AGBL1: variants seen among roughly 807,000 people sequenced by gnomAD.
AGBL1 encodes cytosolic carboxypeptidase 4.
In AGBL1, 130 loss-of-function variants were observed where a neutral mutation model predicts 118.9. That is an observed-to-expected ratio of 1.09 (90% confidence interval 0.95 to 1.26). AGBL1 has a LOEUF of 1.26. Among genes scored for constraint, AGBL1 ranks in the 50% most tolerant of loss-of-function variants. AGBL1 has a pLI of 0.00. For synonymous variants in AGBL1, 555 were observed against 478.9 expected (o/e 1.16, Z -2.08); for missense variants, 1,584 against 1,298.1 (o/e 1.22, Z -3.38).
At chr15:86,154,017 A>G (rs527815946) in intron 3 of AGBL1, among the ~76,000 whole-genome samples, 1 of 152,308 alleles carries the variant, frequency 6.6e-6, no homozygotes, top group African/African-American at 2.4e-5. Context: ...TGTCTTTTAT[A>G]GACATAGTCA....
At chr15:86,565,206 T>A (rs1323672325) in intron 21 of AGBL1, among the ~76,000 whole-genome samples, 1 of 152,260 alleles carries the variant, frequency 6.6e-6, no homozygotes, top group African/African-American at 2.4e-5. Context: ...GGAGAGGCAC[T>A]CTGATTTTTA....
chr15:86,357,872 C>T (rs373236047), intron 17 of AGBL1, among the ~76,000 whole-genome samples: 2 of 152,072 alleles, frequency 1.3e-5, no homozygotes, highest in African/African-American at 2.4e-5. Flanking sequence ...ACTCTTCTTG[C>T]CCCTCACGTT....
At chr15:86,701,514 A>T (rs919808567) in intron 22 of AGBL1, among the ~76,000 whole-genome samples, 1 of 152,136 alleles carries the variant, frequency 6.6e-6, no homozygotes, top group Non-Finnish European at 1.5e-5. Context: ...TAAATTGTGA[A>T]ACAATAAGAG....
chr15:86,410,678 A>G (rs147349731), intron 18 of AGBL1, among the ~76,000 whole-genome samples: 1 of 150,062 alleles, frequency 6.7e-6, no homozygotes, highest in Non-Finnish European at 1.5e-5. Context: ...TCTCAATGGT[A>G]GGGCCAAACA....
At chr15:86,970,929 T>A (rs1173711014) in intron 23 of AGBL1, among the ~76,000 whole-genome samples, 3 of 152,060 alleles carry the variant, frequency 2.0e-5, no homozygotes. Flanking sequence ...AACCACTATT[T>A]GCATGTCACT....
intron 24 of AGBL1, among the ~76,000 whole-genome samples, chr15:87,001,809 C>A (rs1303121644): frequency 6.6e-6 from 1 of 151,918 alleles, no homozygotes; most frequent in Non-Finnish European, 1.5e-5. Context: ...TATCCTTGGC[C>A]CACTTTTTGA....
chr15:86,564,598 A>T (rs1172647471), intron 21 of AGBL1, among the ~76,000 whole-genome samples: 1 of 152,096 alleles, frequency 6.6e-6, no homozygotes, highest in African/African-American at 2.4e-5. Flanking sequence ...TGAATCTGAC[A>T]ATTATGTGTC....
At chr15:86,699,961 G>A (rs138804632) in intron 22 of AGBL1, among the ~76,000 whole-genome samples, 2 of 152,014 alleles carry the variant, frequency 1.3e-5, no homozygotes, top group African/African-American at 4.8e-5. Context: ...GTGAATAAAC[G>A]CCAAATTGTT....
chr15:86,745,505 G>T (rs2077743134), intron 22 of AGBL1, among the ~76,000 whole-genome samples: 1 of 152,006 alleles, frequency 6.6e-6, no homozygotes, highest in Non-Finnish European at 1.5e-5. Flanking sequence ...GCCCAGAGAG[G>T]CTCAGTCTTT....
At chr15:86,293,098 G>A (rs28637600) in intron 16 of AGBL1, among the ~76,000 whole-genome samples, 4,951 of 152,254 alleles carry the variant, frequency 0.033, 269 homozygotes, top group African/African-American at 0.11. Flanking sequence ...AACTATTTCA[G>A]TAGAGTATAA....
intron 5 of AGBL1, among the ~76,000 whole-genome samples, chr15:86,166,147 G>A (rs535285393): frequency 1.3e-5 from 2 of 152,160 alleles, no homozygotes; most frequent in Admixed American, 6.5e-5. Flanking sequence ...TAACTTCAAG[G>A]CACCATTTAT....
At chr15:86,417,143 G>A (rs1450963867) in intron 18 of AGBL1, among the ~76,000 whole-genome samples, 1 of 152,188 alleles carries the variant, frequency 6.6e-6, no homozygotes, top group Non-Finnish European at 1.5e-5. Context: ...TGTCTGTAGT[G>A]TGTGAACTTA....
chr15:86,410,842 A>ATATATATATATATG (rs36174307), intron 18 of AGBL1, among the ~76,000 whole-genome samples: 8 of 74,672 alleles, frequency 1.1e-4, no homozygotes, highest in South Asian at 7.8e-4. Flanking sequence ...ATATATATAT[A>ATATATATATATATG]ATATACTATT....
At chr15:86,985,622 C>CA (rs978466967) in intron 23 of AGBL1, among the ~76,000 whole-genome samples, 1 of 56,460 alleles carries the variant, frequency 1.8e-5, no homozygotes, top group Non-Finnish European at 4.7e-5. Context: ...TTTTTTGTTC[C>CA]AATTTTTTTT....
intron 22 of AGBL1, among the ~76,000 whole-genome samples, chr15:86,699,834 GC>G (rs2086325309): frequency 6.6e-6 from 1 of 151,984 alleles, no homozygotes. Flanking sequence ...GTAACTAATA[GC>G]TATTTTGTGA....
At chr15:86,093,182 A>G (rs921169348) in intron 1 of AGBL1, among the ~76,000 whole-genome samples, 6 of 152,158 alleles carry the variant, frequency 3.9e-5, no homozygotes, top group Admixed American at 6.5e-5. Context: ...AAAGTGAACC[A>G]CACACAAGCT....
chr15:86,536,556 G>T (rs1387513762), intron 19 of AGBL1, among the ~76,000 whole-genome samples: 5 of 152,072 alleles, frequency 3.3e-5, no homozygotes, highest in African/African-American at 4.8e-5. Context: ...TGATCTGCCC[G>T]CCTCGGCCTC....
intron 14 of AGBL1, among the ~76,000 whole-genome samples, chr15:86,271,002 G>A (rs1318779377): frequency 6.8e-6 from 1 of 147,496 alleles, no homozygotes; most frequent in Non-Finnish European, 1.5e-5. Flanking sequence ...AAAGCTAGTA[G>A]TGTTGCATCT....
intron 20 of AGBL1, among the ~76,000 whole-genome samples, chr15:86,548,019 A>G (rs2083609545): frequency 1.3e-5 from 2 of 152,156 alleles, no homozygotes; most frequent in South Asian, 4.1e-4. Flanking sequence ...TCTGTAAATA[A>G]TTATCTTAAC....
Sources: allele counts gnomAD v4.1 joint callset (sites outside exome capture counted in the v4.1 genomes callset), GRCh38; gene constraint gnomAD v4.1.1; transcripts MANE v1.5; gene names NCBI Gene and HGNC (gene_info 2026-07-23, HGNC 2026-07-21).